The following TRIM5 variants were observed in gnomAD, a reference collection of about 807,000 sequenced individuals.
TRIM5 encodes tripartite motif-containing protein 5.
TRIM5 carries 31 observed loss-of-function variants against 35.6 expected under a neutral mutation model. That is an observed-to-expected ratio of 0.87 (90% CI 0.65 to 1.18). The LOEUF (loss-of-function observed/expected upper bound fraction) is 1.18. TRIM5 is among the 50% of genes most tolerant of loss of function. The pLI is 0.00. For missense variants in TRIM5, 609 were observed against 591.6 expected (o/e 1.03, Z -0.31); for synonymous variants, 243 against 215.6 (o/e 1.13, Z -1.11).
chr11:5,669,843 C>T (rs920697823), intron 4 of TRIM5: 10 of 181,018 alleles, frequency 5.5e-5, no homozygotes, highest in South Asian at 2.8e-4. Flanking sequence ...TCAAAACATA[C>T]GCATGCCTAT....
the TRIM5 span, among the ~76,000 whole-genome samples, chr11:5,652,262 T>C: frequency 6.6e-6 from 1 of 152,232 alleles, no homozygotes; most frequent in Admixed American, 6.5e-5. Context: ...AGAATGGTAT[T>C]ACCTAGGTAA....
chr11:5,644,854 T>C, the TRIM5 span, among the ~76,000 whole-genome samples: 51 of 152,244 alleles, frequency 3.3e-4, no homozygotes, highest in East Asian at 7.7e-4. Flanking sequence ...TGGGAGGTGA[T>C]TGGATCATGG....
the TRIM5 span, among the ~76,000 whole-genome samples, chr11:5,648,204 A>G: frequency 2.6e-5 from 4 of 152,196 alleles, no homozygotes; most frequent in Admixed American, 1.3e-4. Context: ...GAAAACATAA[A>G]TTAAGAAATA....
At chr11:5,622,545 G>A in the TRIM5 span, among the ~76,000 whole-genome samples, 35,266 of 151,892 alleles carry the variant, frequency 0.23, 5,165 homozygotes, top group Non-Finnish European at 0.34. Flanking sequence ...TCGAACCTGG[G>A]AGGCGGAGGT....
intron 1 of TRIM5, among the ~76,000 whole-genome samples, chr11:5,682,980 C>A (rs12800584): frequency 2.2e-4 from 34 of 151,752 alleles, no homozygotes; most frequent in Middle Eastern, 3.4e-3. Flanking sequence ...GGCTGCGCGC[C>A]GCGCTTGTGG....
chr11:5,634,847 A>G, the TRIM5 span: 11 of 1,612,282 alleles, frequency 6.8e-6, no homozygotes, highest in Non-Finnish European at 8.5e-6. Flanking sequence ...GTGGTCAACA[A>G]TGGAGCTGCT....
At chr11:5,594,532 T>C in the TRIM5 span, among the ~76,000 whole-genome samples, 152,106 of 152,242 alleles carry the variant, frequency 1, 75,985 homozygotes, top group Middle Eastern at 1. Flanking sequence ...GCCTCAAAAT[T>C]GTGGATTCAA....
At chr11:5,596,519 CT>C in the TRIM5 span, 8 of 63,334 alleles carry the variant, frequency 1.3e-4, no homozygotes, top group Admixed American at 1.6e-4. Context: ...CCGTTCTCCC[CT>C]TCCCCCCTTC....
At chr11:5,628,401 A>C in the TRIM5 span, among the ~76,000 whole-genome samples, 1 of 152,208 alleles carries the variant, frequency 6.6e-6, no homozygotes, top group Non-Finnish European at 1.5e-5. Context: ...TAGTCATCAG[A>C]TCCTGGTCTG....
At chr11:5,623,431 G>A in the TRIM5 span, among the ~76,000 whole-genome samples, 1 of 151,554 alleles carries the variant, frequency 6.6e-6, no homozygotes, top group South Asian at 2.1e-4. Context: ...GCAGTGGTGC[G>A]ATCTCGGCTC....
the TRIM5 span, chr11:5,655,826 C>T: frequency 3.1e-6 from 1 of 324,524 alleles, no homozygotes; most frequent in Non-Finnish European, 4.4e-6. Context: ...TATAAATCTA[C>T]AGAGCAGAGG....
Position 5,663,401 on chromosome 11 carries a change from T to A in TRIM5, c.*1408A>T, listed in dbSNP as rs1017267298. 2 of 981,494 alleles carry A rather than the reference T, an allele frequency of 2.0e-6. No homozygotes were observed. The highest frequency in any genetic ancestry group is 3.5e-5 in the African/African-American group (2 of 57,160). 60.8% of individuals were successfully genotyped at this position (981,494 alleles called of 1,614,324 possible). The stretch of plus-strand genomic sequence containing the variant: ...TTATATATAGAAGGCAGAATTGAAG[T>A]CATTTTGACAGTAGTATCTGAGATC... On this transcript the variant is annotated 3_prime_UTR_variant, in exon 8 of 8. Transcript: ENST00000380034.
the TRIM5 span, among the ~76,000 whole-genome samples, chr11:5,601,599 A>C: frequency 6.6e-6 from 1 of 152,136 alleles, no homozygotes; most frequent in South Asian, 2.1e-4. Flanking sequence ...CTCTACTAAA[A>C]ATACAAAAAT....
chr11:5,591,477 T>C, the TRIM5 span, among the ~76,000 whole-genome samples: 1 of 152,122 alleles, frequency 6.6e-6, no homozygotes, highest in Non-Finnish European at 1.5e-5. Flanking sequence ...GGAGAAACCC[T>C]GTCTCTACTA....
At chr11:5,609,952 T>G in the TRIM5 span, among the ~76,000 whole-genome samples, 1 of 152,172 alleles carries the variant, frequency 6.6e-6, no homozygotes, top group Non-Finnish European at 1.5e-5. Context: ...TACACAAGTT[T>G]ATGTAGATGG....
the TRIM5 span, among the ~76,000 whole-genome samples, chr11:5,637,189 G>C: frequency 6.6e-6 from 1 of 152,070 alleles, no homozygotes; most frequent in Non-Finnish European, 1.5e-5. Flanking sequence ...AAAGATATGT[G>C]CTGTTGTATT....
At chr11:5,652,495 G>A in the TRIM5 span, among the ~76,000 whole-genome samples, 8 of 152,030 alleles carry the variant, frequency 5.3e-5, no homozygotes, top group African/African-American at 7.2e-5. Flanking sequence ...CATTATTTCC[G>A]GGCTCTGTGT....
At chr11:5,672,497 C>A (rs1851653582) in intron 4 of TRIM5, among the ~76,000 whole-genome samples, 1 of 152,042 alleles carries the variant, frequency 6.6e-6, no homozygotes, top group African/African-American at 2.4e-5. Flanking sequence ...AGGTGTGAGC[C>A]CCTGCAAAAT....
chr11:5,645,408 A>AT, the TRIM5 span, among the ~76,000 whole-genome samples: 1 of 151,574 alleles, frequency 6.6e-6, no homozygotes, highest in African/African-American at 2.4e-5. Context: ...AAAAAAAAAA[A>AT]AACTGTGAAA....
Sources: gnomAD v4.1 joint callset for allele counts (sites outside exome capture counted in the v4.1 genomes callset) on GRCh38, gnomAD v4.1.1 for gene constraint, MANE v1.5 for transcripts, NCBI Gene and HGNC (gene_info 2026-07-23, HGNC 2026-07-21) for gene names.